Variants in PDGFRL observed in about 807,000 individuals in gnomAD.
PDGFRL encodes the protein platelet derived growth factor receptor like, also known as platelet-derived growth factor receptor-like protein.
PDGFRL carries 46 observed loss-of-function variants against 37.2 expected under a neutral mutation model. That is an observed-to-expected ratio of 1.24 (90% CI 0.98 to 1.58). The LOEUF (loss-of-function observed/expected upper bound fraction) is 1.58, where lower values mean the gene tolerates loss of function less well. Ranked by LOEUF, PDGFRL falls within the 40% of genes most tolerant of loss-of-function variation. PDGFRL has a pLI of 0.00. For synonymous variants in PDGFRL, 251 were observed against 184.3 expected (o/e 1.36, Z -2.93); for missense variants, 692 against 467.6 (o/e 1.48, Z -4.43).
At chr8:17,577,035 A>G (rs1585291480), upstream of PDGFRL, 2 of 614,164 alleles carry the variant, frequency 3.3e-6, no homozygotes, top group Non-Finnish European at 5.4e-6. Context: ...AGTGCTGCGC[A>G]CCGCGGCTCC....
At chr8:17,589,239 A>G (rs1302220362) in intron 1 of PDGFRL, among the ~76,000 whole-genome samples, 1 of 151,984 alleles carries the variant, frequency 6.6e-6, no homozygotes, top group Non-Finnish European at 1.5e-5. Context: ...TACAAAAATG[A>G]GTTGGGTGTG....
intron 2 of PDGFRL, among the ~76,000 whole-genome samples, chr8:17,593,193 G>A (rs867042335): frequency 2.0e-5 from 3 of 151,982 alleles, no homozygotes; most frequent in South Asian, 4.1e-4. Flanking sequence ...CTTGAAGTGC[G>A]TAAGGGGGAA....
Position 17,642,678 on chromosome 8 carries a change from G to A in PDGFRL, c.1005G>A (p.Thr335=), listed in dbSNP as rs759578477. 4 of 1,605,588 alleles carry A rather than the reference G, an allele frequency of 2.5e-6. No homozygotes were observed. The highest frequency in any genetic ancestry group is 3.4e-6 in the Non-Finnish European group (4 of 1,172,140). ...TCCACAGAGGACTGGGACACACCAC[G>A]AGAATCTCCCAGAGTGTCATTACAG... ...RLIHRGLGHT[T]RISQSVITVE... is the part of the protein sequence containing the mutation. The change falls in exon 6 of 6, where the codon ACG becomes ACA. Residue 335 remains threonine, a synonymous_variant. Transcript: ENST00000251630.
At chr8:17,639,812 G>T (rs1478395403) in intron 5 of PDGFRL, among the ~76,000 whole-genome samples, 1 of 152,180 alleles carries the variant, frequency 6.6e-6, no homozygotes, top group Non-Finnish European at 1.5e-5. Context: ...CTTGTATTCA[G>T]ATGTGTAGCT....
chr8:17,640,897 G>GT (rs532894367), intron 5 of PDGFRL, among the ~76,000 whole-genome samples: 209 of 152,154 alleles, frequency 1.4e-3, no homozygotes, highest in African/African-American at 4.7e-3. Flanking sequence ...ATTAGTTGGG[G>GT]GTGGGCTAGG....
rs111973176 is a variant in PDGFRL at position 17,595,640 on chromosome 8, C to T, written c.353+5875C>T. Among the ~76,000 whole-genome samples the T allele has an allele frequency of 8.6e-3, 1,317 of 152,304 alleles. 20 individuals carry two copies. Among genetic ancestry groups the T allele is most frequent in the African/African-American group, 0.03 (1,236 of 41,562 alleles). ...TTGACCTCAGAGCTCCCCTGTCCAA[C>T]AGGAGAGGAGTGTGCCTCCACCTTC... On this transcript the variant is annotated intron_variant, in intron 2 of 5. Transcript: ENST00000251630.
intron 1 of PDGFRL, among the ~76,000 whole-genome samples, chr8:17,582,277 T>G (rs1194854434): frequency 6.6e-6 from 1 of 151,964 alleles, no homozygotes; most frequent in Non-Finnish European, 1.5e-5. Context: ...CAAGTAGTGG[T>G]GGGTGTGGCT....
chr8:17,598,521 GTCAT>G (rs1487137745), intron 2 of PDGFRL, among the ~76,000 whole-genome samples: 1 of 152,148 alleles, frequency 6.6e-6, no homozygotes, highest in African/African-American at 2.4e-5. Flanking sequence ...TCAGTTCTTA[GTCAT>G]TCATTCATTC....
chr8:17,605,360 T>C (rs1227015800), intron 2 of PDGFRL, among the ~76,000 whole-genome samples: 1 of 152,234 alleles, frequency 6.6e-6, no homozygotes, highest in Non-Finnish European at 1.5e-5. Flanking sequence ...TTTTTTGCAA[T>C]AATTTTTTAA....
At chr8:17,634,919 C>T (rs1041877937) in intron 5 of PDGFRL, among the ~76,000 whole-genome samples, 16 of 151,842 alleles carry the variant, frequency 1.1e-4, no homozygotes, top group Non-Finnish European at 1.9e-4. Context: ...TTTCATGACA[C>T]GAGTTTACCT....
Position 17,621,071 on chromosome 8 carries a change from A to C in PDGFRL, c.374A>C (p.Tyr125Ser). The change falls in exon 3 of 6, where the codon TAC (tyrosine) becomes TCC (serine). Residue 125 changes from tyrosine to serine, a missense_variant. Transcript: ENST00000251630. ...SRLSVKQNER[Y>S]GQLTLVNSTS... ...CCTAGCGTCAAGCAGAATGAGCGCT[A>C]CGGCCAGTTGACTCTGGTCAACTCC... The C allele has an allele frequency of 1.9e-6, 3 of 1,609,072 alleles. No homozygotes were observed. The highest frequency in any genetic ancestry group is 2.5e-6 in the Non-Finnish European group (3 of 1,176,618).
At chr8:17,632,895 G>T (rs1322737563) in intron 4 of PDGFRL, among the ~76,000 whole-genome samples, 1 of 152,154 alleles carries the variant, frequency 6.6e-6, no homozygotes, top group Non-Finnish European at 1.5e-5. Flanking sequence ...TCGGCCTTGA[G>T]ATTTTAGTTC....
At chr8:17,583,325 CAG>C (rs746644388) in intron 1 of PDGFRL, among the ~76,000 whole-genome samples, 2 of 152,148 alleles carry the variant, frequency 1.3e-5, no homozygotes, top group Non-Finnish European at 2.9e-5. Flanking sequence ...GGAAAACAAA[CAG>C]ACATTCAACT....
chr8:17,612,100 G>T (rs542654758), intron 2 of PDGFRL, among the ~76,000 whole-genome samples: 2 of 152,296 alleles, frequency 1.3e-5, no homozygotes, highest in African/African-American at 4.8e-5. Flanking sequence ...CCAGTTGGCA[G>T]TGTTTCCATT....
chr8:17,605,184 A>G (rs750249088), intron 2 of PDGFRL, among the ~76,000 whole-genome samples: 1 of 152,090 alleles, frequency 6.6e-6, no homozygotes, highest in Non-Finnish European at 1.5e-5. Flanking sequence ...AGACTGAAAG[A>G]AGATGCTGAG....
intron 4 of PDGFRL, among the ~76,000 whole-genome samples, chr8:17,630,819 C>T (rs921036691): frequency 6.7e-6 from 1 of 149,956 alleles, no homozygotes; most frequent in African/African-American, 2.5e-5. Context: ...ACTCACCTGT[C>T]ACAAGCCCCC....
intron 2 of PDGFRL, among the ~76,000 whole-genome samples, chr8:17,616,030 TTAC>T (rs1425888952): frequency 6.6e-6 from 1 of 152,226 alleles, no homozygotes; most frequent in Non-Finnish European, 1.5e-5. Context: ...ATCATTATTG[TTAC>T]TACAAGTCTG....
chr8:17,593,437 GA>G (rs35908143), intron 2 of PDGFRL, among the ~76,000 whole-genome samples: 1 of 147,842 alleles, frequency 6.8e-6, no homozygotes, highest in African/African-American at 2.5e-5. Context: ...TAAAAATACG[GA>G]AAAAAAAAAT....
intron 2 of PDGFRL, among the ~76,000 whole-genome samples, chr8:17,594,430 A>G (rs186686327): frequency 6.6e-6 from 1 of 152,064 alleles, no homozygotes; most frequent in Admixed American, 6.6e-5. Flanking sequence ...CTATAGAGAC[A>G]GGGTTTCACT....
Sources: allele counts gnomAD v4.1 joint callset (sites outside exome capture counted in the v4.1 genomes callset), GRCh38; gene constraint gnomAD v4.1.1; transcripts MANE v1.5; gene names NCBI Gene and HGNC (gene_info 2026-07-23, HGNC 2026-07-21).